Variants in MAD1L1 observed in about 807,000 individuals in gnomAD.
MAD1L1 encodes the protein mitotic arrest deficient 1 like 1.
Under a neutral mutation model 96.9 loss-of-function variants are expected in MAD1L1, and 95 were observed. The ratio of observed to expected loss-of-function variants is 0.98; its 90% CI spans 0.83 to 1.16. MAD1L1 has a LOEUF of 1.16. MAD1L1 is among the 50% of genes most tolerant of loss of function. MAD1L1 has a pLI of 0.00. For synonymous variants in MAD1L1, 473 were observed against 396.6 expected (o/e 1.19, Z -2.29); for missense variants, 1,007 against 954.4 (o/e 1.06, Z -0.73).
chr7:2,187,343 T>C (rs748374747), intron 10 of MAD1L1, among the ~76,000 whole-genome samples: 23 of 152,096 alleles, frequency 1.5e-4, no homozygotes, highest in Non-Finnish European at 2.8e-4. Context: ...AGCAAGACTC[T>C]GTCTCCAAAA....
intron 10 of MAD1L1, among the ~76,000 whole-genome samples, chr7:2,197,219 A>T (rs1792037035): frequency 6.6e-6 from 1 of 152,182 alleles, no homozygotes. Flanking sequence ...GTGTGCTGCC[A>T]GCACCCACCC....
intron 11 of MAD1L1, among the ~76,000 whole-genome samples, chr7:2,139,492 G>C (rs981690546): frequency 2.0e-5 from 3 of 152,244 alleles, no homozygotes; most frequent in Non-Finnish European, 2.9e-5. Context: ...GTCTCAGGAG[G>C]AACCAGACAC....
chr7:1,917,624 C>T (rs915173127), intron 17 of MAD1L1, among the ~76,000 whole-genome samples: 6 of 152,230 alleles, frequency 3.9e-5, no homozygotes, highest in African/African-American at 9.6e-5. Context: ...AGTTTACAGA[C>T]GTGCCAGAAA....
chr7:1,840,797 T>G (rs888866558), intron 18 of MAD1L1, among the ~76,000 whole-genome samples: 8 of 152,220 alleles, frequency 5.3e-5, no homozygotes, highest in African/African-American at 1.9e-4. Flanking sequence ...TTTAGCGGCC[T>G]GGGCATGCGG....
At chr7:2,029,737 G>A (rs960577965) in intron 12 of MAD1L1, among the ~76,000 whole-genome samples, 14 of 152,100 alleles carry the variant, frequency 9.2e-5, no homozygotes, top group Non-Finnish European at 1.9e-4. Context: ...GAGCAAGGGC[G>A]GTGGGAGTTG....
At chr7:1,938,859 C>T (rs530780147) in intron 16 of MAD1L1, among the ~76,000 whole-genome samples, 115 of 142,968 alleles carry the variant, frequency 8.0e-4, no homozygotes, top group African/African-American at 2.9e-3. Flanking sequence ...CACACACACA[C>T]ACACACACAC....
At chr7:2,040,519 C>T (rs1465193764) in intron 12 of MAD1L1, among the ~76,000 whole-genome samples, 1 of 152,242 alleles carries the variant, frequency 6.6e-6, no homozygotes, top group Non-Finnish European at 1.5e-5. Flanking sequence ...CACGAACGCG[C>T]TCCTGTCGCC....
At chr7:1,849,779 G>C (rs1474685023) in intron 18 of MAD1L1, 2 of 148,150 alleles carry the variant, frequency 1.3e-5, no homozygotes, top group Non-Finnish European at 3.0e-5. Flanking sequence ...AGGGGCTGTG[G>C]AGGGAAGGTG....
chr7:2,070,386 T>C (rs978150500), intron 11 of MAD1L1, among the ~76,000 whole-genome samples: 11 of 151,890 alleles, frequency 7.2e-5, no homozygotes, highest in African/African-American at 1.9e-4. Context: ...ACCTCCCACA[T>C]GGGACAGCCG....
intron 18 of MAD1L1, among the ~76,000 whole-genome samples, chr7:1,820,500 C>G (rs954932243): frequency 6.7e-6 from 1 of 148,350 alleles, no homozygotes; most frequent in Non-Finnish European, 1.5e-5. Context: ...AGGAGCAGGG[C>G]TCACACCTGT....
At chr7:2,190,776 G>A (rs73041305) in intron 10 of MAD1L1, among the ~76,000 whole-genome samples, 3,974 of 152,300 alleles carry the variant, frequency 0.026, 90 homozygotes, top group South Asian at 0.072. Context: ...CACCAGGATG[G>A]CTAAAGTGAA....
chr7:1,844,221 C>T (rs1352361618), intron 18 of MAD1L1: 1 of 154,454 alleles, frequency 6.5e-6, no homozygotes, highest in African/African-American at 2.4e-5. Flanking sequence ...AACACTTTCC[C>T]ACGACCCTCT....
chr7:1,887,620 C>T (rs1414894200), intron 18 of MAD1L1, among the ~76,000 whole-genome samples: 9 of 129,612 alleles, frequency 6.9e-5, no homozygotes, highest in African/African-American at 2.7e-4. Context: ...GCTGCCTGTG[C>T]ATGGGCATGT....
At chr7:2,158,944 C>T (rs1200604784) in intron 10 of MAD1L1, among the ~76,000 whole-genome samples, 4 of 150,670 alleles carry the variant, frequency 2.7e-5, no homozygotes, top group Non-Finnish European at 4.4e-5. Flanking sequence ...AGAGGAACCC[C>T]AAGTCAGGGG....
chr7:1,898,602 T>C (rs1583699316), intron 17 of MAD1L1, among the ~76,000 whole-genome samples: 1 of 151,962 alleles, frequency 6.6e-6, no homozygotes, highest in Non-Finnish European at 1.5e-5. Flanking sequence ...GACCCTCTGG[T>C]GGTGGCAATA....
At chr7:2,039,435 C>T (rs1290162681) in intron 12 of MAD1L1, among the ~76,000 whole-genome samples, 1 of 152,182 alleles carries the variant, frequency 6.6e-6, no homozygotes, top group Non-Finnish European at 1.5e-5. Flanking sequence ...AAGAAACCCT[C>T]GAGCTGGTTC....
In MAD1L1 at chr7:2,139,668, C is replaced by T. The variant is rs1788929109; in HGVS notation, c.1073+9484G>A. On this transcript the variant is annotated intron_variant, in intron 11 of 18. Transcript: ENST00000265854. ...ACTCCACAGCCACAGAGGACACCCG[C>T]CACTCTCCTTCAAGGCTGATGGGGG... 2.0e-5 allele frequency among the ~76,000 whole-genome samples: 3 copies of T among 152,206 alleles called. No homozygotes were observed. In the South Asian group the frequency reaches 6.2e-4, roughly 31 times the overall value.
intron 15 of MAD1L1, among the ~76,000 whole-genome samples, chr7:1,965,624 C>G (rs1418821874): frequency 1.3e-5 from 2 of 152,260 alleles, no homozygotes; most frequent in African/African-American, 4.8e-5. Flanking sequence ...ACTCCCCGGC[C>G]CCCGTGGCCC....
chr7:1,872,110 C>T (rs1333901454), intron 18 of MAD1L1, among the ~76,000 whole-genome samples: 8 of 152,198 alleles, frequency 5.3e-5, no homozygotes, highest in Admixed American at 5.2e-4. Flanking sequence ...CTCCTCCACA[C>T]CCTGCAGGCC....
Sources: gnomAD v4.1 joint callset for allele counts (sites outside exome capture counted in the v4.1 genomes callset) on GRCh38, gnomAD v4.1.1 for gene constraint, MANE v1.5 for transcripts, NCBI Gene and HGNC (gene_info 2026-07-23, HGNC 2026-07-21) for gene names.